The following ANKRD36C variants were observed in gnomAD, a reference collection of about 807,000 sequenced individuals.
The protein encoded by ANKRD36C is ankyrin repeat domain-containing protein 36C.
ANKRD36C carries 61 observed loss-of-function variants against 276.4 expected under a neutral mutation model. That is an observed-to-expected ratio of 0.22 (90% CI 0.18 to 0.27). The LOEUF (loss-of-function observed/expected upper bound fraction) is 0.27, where lower values mean the gene tolerates loss of function less well. Among genes scored for constraint, ANKRD36C ranks in the 10% least tolerant of loss-of-function variants. ANKRD36C has a pLI of 1.00. For missense variants in ANKRD36C, 1,447 were observed against 2,032.3 expected (o/e 0.71, Z 5.54); for synonymous variants, 483 against 680.1 (o/e 0.71, Z 4.51).
intron 20 of ANKRD36C, among the ~76,000 whole-genome samples, chr2:95,939,815 C>T: frequency 6.6e-6 from 1 of 152,306 alleles, no homozygotes; most frequent in Non-Finnish European, 1.5e-5. Context: ...TAAAAATACT[C>T]ATGTCATCCA....
chr2:95,870,262 C>A (rs1400616783), intron 59 of ANKRD36C, among the ~76,000 whole-genome samples: 2 of 152,182 alleles, frequency 1.3e-5, no homozygotes, highest in South Asian at 4.1e-4. Flanking sequence ...GGGAGGCACC[C>A]CCAGGTAGGG....
At chr2:95,892,809 G>A (rs1236680875) in intron 44 of ANKRD36C, among the ~76,000 whole-genome samples, 1 of 151,286 alleles carries the variant, frequency 6.6e-6, no homozygotes, top group African/African-American at 2.4e-5. Flanking sequence ...AATGTATTCA[G>A]ATTCAACTTT....
intron 6 of ANKRD36C, among the ~76,000 whole-genome samples, chr2:95,974,272 T>C (rs1678759933): frequency 6.6e-6 from 1 of 152,162 alleles, no homozygotes; most frequent in Non-Finnish European, 1.5e-5. Flanking sequence ...GTTTGAAAAT[T>C]TAAAAGAAAC....
intron 1 of ANKRD36C, among the ~76,000 whole-genome samples, chr2:95,988,049 C>A (rs1433733153): frequency 6.6e-6 from 1 of 151,720 alleles, no homozygotes; most frequent in African/African-American, 2.4e-5. Flanking sequence ...CGTGGCATCA[C>A]CCAATCCGTG....
In ANKRD36C at chr2:95,960,458, G is replaced by A; in HGVS notation, c.1003+15C>T. On this transcript the variant is annotated intron_variant, in intron 10 of 66. Transcript: ENST00000456556. The stretch of plus-strand genomic sequence containing the variant: ...CTTCAGTGAACGTGGCATTAAATGT[G>A]TATTGCAAAATTACCTGTCCCAGAT... The A allele has an allele frequency of 6.5e-7, 1 of 1,540,002 alleles. No individual in the cohort carries two copies. The highest frequency in any genetic ancestry group is 1.2e-5 in the South Asian group (1 of 83,946).
intron 13 of ANKRD36C, among the ~76,000 whole-genome samples, chr2:95,955,749 T>C (rs1449334414): frequency 1.3e-5 from 2 of 152,182 alleles, no homozygotes; most frequent in Non-Finnish European, 2.9e-5. Context: ...TGTATCCAAA[T>C]AATTTTCTCT....
chr2:95,893,268 G>A (rs949092152), intron 44 of ANKRD36C, among the ~76,000 whole-genome samples: 2 of 151,116 alleles, frequency 1.3e-5, no homozygotes, highest in Non-Finnish European at 3.0e-5. Flanking sequence ...AAACTATGCT[G>A]TTCCCCAGAG....
chr2:95,983,998 G>A (rs1372336960), intron 3 of ANKRD36C, among the ~76,000 whole-genome samples: 7 of 152,270 alleles, frequency 4.6e-5, no homozygotes, highest in Admixed American at 6.5e-5. Context: ...CAACTATACC[G>A]TGATTCACCT....
chr2:95,944,763 TG>T (rs1275769714), intron 18 of ANKRD36C, 69 bp from the exon 19 acceptor site: 2 of 1,500,556 alleles, frequency 1.3e-6, no homozygotes, highest in African/African-American at 2.8e-5. Context: ...AAGAACCGGG[TG>T]TGGGGGCTCA....
At chr2:95,880,206 A>AAAAAC (rs1225833241) in intron 58 of ANKRD36C, among the ~76,000 whole-genome samples, 12 of 152,090 alleles carry the variant, frequency 7.9e-5, no homozygotes, top group Non-Finnish European at 1.6e-4. Context: ...AAACAAAACA[A>AAAAAC]AAAACAAAAC....
At chr2:95,918,944 G>C (rs1450546657) in intron 34 of ANKRD36C, among the ~76,000 whole-genome samples, 1 of 130,796 alleles carries the variant, frequency 7.6e-6, no homozygotes, top group African/African-American at 2.6e-5. Flanking sequence ...TCATGAAATA[G>C]CTATTTCACC....
intron 5 of ANKRD36C, among the ~76,000 whole-genome samples, chr2:95,979,088 T>A (rs1307094857): frequency 3.9e-5 from 6 of 152,060 alleles, no homozygotes; most frequent in Admixed American, 3.9e-4. Flanking sequence ...CATTTTCTCA[T>A]TTCCAAGATA....
At chr2:95,944,194 A>G (rs1019756912) in intron 19 of ANKRD36C, among the ~76,000 whole-genome samples, 1 of 152,138 alleles carries the variant, frequency 6.6e-6, no homozygotes, top group African/African-American at 2.4e-5. Context: ...ACCGCTTTTG[A>G]GGTGTTTTAT....
At chr2:95,880,477 G>T in exon 58 of ANKRD36C, 8 of 1,553,266 alleles carry the variant, frequency 5.2e-6, no homozygotes, top group Non-Finnish European at 7.0e-6. Context: ...ATTCAGAACA[G>T]AATTTTTATT....
intron 24 of ANKRD36C, among the ~76,000 whole-genome samples, chr2:95,932,788 C>T (rs1461062008): frequency 1.3e-5 from 2 of 150,678 alleles, no homozygotes; most frequent in African/African-American, 5.0e-5. Context: ...TAATTAGATC[C>T]CATTTGTCAA....
chr2:95,878,174 ACT>A (rs1351407466), intron 58 of ANKRD36C, among the ~76,000 whole-genome samples: 3 of 146,108 alleles, frequency 2.1e-5, no homozygotes, highest in African/African-American at 5.1e-5. Context: ...ACAGAGCAAG[ACT>A]CTGTCTCAAA....
At chr2:95,986,326 A>G (rs1679025464) in intron 3 of ANKRD36C, among the ~76,000 whole-genome samples, 1 of 152,110 alleles carries the variant, frequency 6.6e-6, no homozygotes, top group Non-Finnish European at 1.5e-5. Flanking sequence ...ATACTTGTCA[A>G]CAGCAACAAG....
At chr2:95,923,804 T>C in intron 30 of ANKRD36C, 115 bp from the exon 31 acceptor site, 2 of 1,434,422 alleles carry the variant, frequency 1.4e-6, no homozygotes, top group South Asian at 1.3e-5. Flanking sequence ...GTATAGGCTT[T>C]GATTTTTGTG....
intron 13 of ANKRD36C, among the ~76,000 whole-genome samples, chr2:95,955,088 A>G (rs571974881): frequency 3.2e-3 from 490 of 152,368 alleles, no homozygotes; most frequent in African/African-American, 0.011. Flanking sequence ...TTGCCGGCCA[A>G]TCCTACATTT....
Sources: allele counts gnomAD v4.1 joint callset (sites outside exome capture counted in the v4.1 genomes callset), GRCh38; gene constraint gnomAD v4.1.1; transcripts MANE v1.5; gene names NCBI Gene and HGNC (gene_info 2026-07-23, HGNC 2026-07-21).